Variants in CDYL observed in about 807,000 individuals in gnomAD.
The protein encoded by CDYL is chromodomain Y like, also known as chromodomain Y-like protein.
A neutral mutation model predicts 47.3 loss-of-function variants in CDYL; 8 were observed. The observed-to-expected ratio is 0.17, with a 90% CI of 0.10 to 0.31. The LOEUF (loss-of-function observed/expected upper bound fraction) is 0.31. CDYL is among the 10% of genes least tolerant of loss of function. The pLI, the probability that CDYL is intolerant of heterozygous loss-of-function variation, is 1.00. For synonymous variants in CDYL, 266 were observed against 265.0 expected (o/e 1.00, Z -0.04); for missense variants, 471 against 701.4 (o/e 0.67, Z 3.71).
At chr6:4,768,257 C>G (rs1416218945) in intron 3 of CDYL, among the ~76,000 whole-genome samples, 1 of 152,174 alleles carries the variant, frequency 6.6e-6, no homozygotes, top group Non-Finnish European at 1.5e-5. Context: ...TAGCCTCAGT[C>G]ACAATAAACA....
At chr6:4,945,719 C>T (rs1012353955) in intron 5 of CDYL, among the ~76,000 whole-genome samples, 4 of 152,260 alleles carry the variant, frequency 2.6e-5, no homozygotes, top group African/African-American at 9.6e-5. Flanking sequence ...CATGGAGCCA[C>T]CTCCAAACTG....
chr6:4,825,746 T>C (rs1002799999), intron 1 of CDYL, among the ~76,000 whole-genome samples: 9 of 152,116 alleles, frequency 5.9e-5, no homozygotes, highest in Admixed American at 5.2e-4. Flanking sequence ...CAATCCTCAT[T>C]ATTCATGGAT....
At chr6:4,792,645 A>G (rs938298453) in intron 1 of CDYL, among the ~76,000 whole-genome samples, 3 of 152,066 alleles carry the variant, frequency 2.0e-5, no homozygotes, top group African/African-American at 7.2e-5. Context: ...CATGTTGGCC[A>G]GGCTGGTCTG....
intron 1 of CDYL, among the ~76,000 whole-genome samples, chr6:4,850,756 T>A (rs1245719346): frequency 6.6e-6 from 1 of 152,216 alleles, no homozygotes; most frequent in Non-Finnish European, 1.5e-5. Context: ...GACTGATGAA[T>A]AAGGTGAATC....
chr6:4,715,765 C>G, exon 2 of CDYL: 2 of 1,613,806 alleles, frequency 1.2e-6, no homozygotes, highest in Non-Finnish European at 1.7e-6. Flanking sequence ...ACACAGAGCC[C>G]CCGGAAGAAT....
At chr6:4,774,477 A>G (rs1053609166), upstream of CDYL, 4 of 152,354 alleles carry the variant, frequency 2.6e-5, no homozygotes, top group African/African-American at 4.8e-5. Context: ...TGGAGGAGGG[A>G]GAGGGAATTG....
chr6:4,865,683 T>A (rs1761300783), intron 1 of CDYL, among the ~76,000 whole-genome samples: 1 of 152,202 alleles, frequency 6.6e-6, no homozygotes, highest in South Asian at 2.1e-4. Flanking sequence ...GGATAAAACA[T>A]AATTTTAAGG....
intron 1 of CDYL, among the ~76,000 whole-genome samples, chr6:4,883,101 G>A (rs865804059): frequency 4.6e-5 from 7 of 152,308 alleles, no homozygotes; most frequent in Middle Eastern, 3.4e-3. Context: ...GCTTACAGAA[G>A]GGCTGGGTAT....
intron 2 of CDYL, among the ~76,000 whole-genome samples, chr6:4,929,493 TACACACACAC>T (rs71540836): frequency 9.0e-5 from 13 of 143,934 alleles, no homozygotes; most frequent in Admixed American, 1.4e-4. Context: ...ATGTTTTACT[TACACACACAC>T]ACACACACAC....
At chr6:4,803,687 G>A (rs78276805) in intron 1 of CDYL, among the ~76,000 whole-genome samples, 2,191 of 151,172 alleles carry the variant, frequency 0.014, 48 homozygotes, top group African/African-American at 0.049. Context: ...GCATCAGCAC[G>A]TGGCCTCGGG....
At chr6:4,735,830 T>A (rs1235068802) in intron 3 of CDYL, among the ~76,000 whole-genome samples, 1 of 152,176 alleles carries the variant, frequency 6.6e-6, no homozygotes, top group Non-Finnish European at 1.5e-5. Context: ...ATCACCACAA[T>A]TTATGTTATA....
At chr6:4,739,737 G>A (rs553491522) in intron 3 of CDYL, among the ~76,000 whole-genome samples, 4 of 152,174 alleles carry the variant, frequency 2.6e-5, no homozygotes, top group African/African-American at 9.6e-5. Context: ...CAGATCACCT[G>A]AGGTCAGGAG....
intron 3 of CDYL, among the ~76,000 whole-genome samples, chr6:4,735,487 G>A (rs552728185): frequency 6.6e-6 from 1 of 152,166 alleles, no homozygotes; most frequent in Admixed American, 6.5e-5. Context: ...ATTCAGGCCA[G>A]GCTCAGTGGC....
chr6:4,715,689 G>T (rs1757242925), intron 1 of CDYL: 9 of 1,529,470 alleles, frequency 5.9e-6, no homozygotes, highest in Non-Finnish European at 7.9e-6. Flanking sequence ...TGAGCCTTGG[G>T]TTTTTTCCCA....
intron 1 of CDYL, among the ~76,000 whole-genome samples, chr6:4,863,387 C>T (rs1761229184): frequency 6.6e-6 from 1 of 152,150 alleles, no homozygotes; most frequent in African/African-American, 2.4e-5. Context: ...CTACCTCTTC[C>T]CCTTCTTTGC....
chr6:4,886,860 A>T (rs1761913608), intron 1 of CDYL, among the ~76,000 whole-genome samples: 1 of 151,846 alleles, frequency 6.6e-6, no homozygotes, highest in South Asian at 2.1e-4. Context: ...TAGATCTTTG[A>T]CCAACTTAAT....
chr6:4,936,821 T>C (rs1359452305), intron 3 of CDYL, among the ~76,000 whole-genome samples: 1 of 151,322 alleles, frequency 6.6e-6, no homozygotes, highest in Non-Finnish European at 1.5e-5. Flanking sequence ...ACTTGCCTTA[T>C]CTAAGAGCCG....
upstream of CDYL, chr6:4,773,086 T>C (rs1044758086): frequency 1.3e-5 from 6 of 457,072 alleles, no homozygotes; most frequent in African/African-American, 8.0e-5. This position sits in a 1 kb window ranked among gnomAD's most constrained non-coding sequence, Gnocchi z 4.6. Flanking sequence ...AAGAGTCTTA[T>C]CGTCGGTAGA....
chr6:4,802,159 A>C (rs1411927988), intron 1 of CDYL, among the ~76,000 whole-genome samples: 3 of 152,204 alleles, frequency 2.0e-5, no homozygotes, highest in Non-Finnish European at 4.4e-5. Context: ...ACAAACTCAC[A>C]ATTCTTAACC....
Sources: gnomAD v4.1 joint callset for allele counts (sites outside exome capture counted in the v4.1 genomes callset) on GRCh38, gnomAD v4.1.1 for gene constraint, Gnocchi (gnomAD v3.1) non-coding constraint, MANE v1.5 for transcripts, NCBI Gene and HGNC (gene_info 2026-07-23, HGNC 2026-07-21) for gene names.